Variants in SIAE observed in about 807,000 individuals in gnomAD.
SIAE encodes the protein sialic acid acetylesterase.
A neutral mutation model predicts 52.6 loss-of-function variants in SIAE; 39 were observed. The ratio of observed to expected loss-of-function variants is 0.74; its 90% CI spans 0.57 to 0.97. The LOEUF (loss-of-function observed/expected upper bound fraction) is 0.97. Among genes scored for constraint, SIAE ranks in the 50% least tolerant of loss-of-function variants. The pLI, the probability that SIAE is intolerant of heterozygous loss-of-function variation, is 0.00. For missense variants in SIAE, 592 were observed against 662.1 expected (o/e 0.89, Z 1.16); for synonymous variants, 233 against 241.4 (o/e 0.97, Z 0.32).
At chr11:124,669,296 T>A in intron 2 of SIAE, 64 bp downstream of exon 2, 1 of 1,587,642 alleles carries the variant, frequency 6.3e-7, no homozygotes. Flanking sequence ...TTAGCATTCA[T>A]TTTCAGATAA....
chr11:124,643,475 T>C (rs758558578), intron 7 of SIAE, among the ~76,000 whole-genome samples: 1 of 152,042 alleles, frequency 6.6e-6, no homozygotes, highest in Admixed American at 6.5e-5. Context: ...TAGGAGGCAA[T>C]AATACAAGGG....
upstream of SIAE, chr11:124,675,280 T>C: frequency 6.2e-7 from 1 of 1,613,644 alleles, no homozygotes; most frequent in Non-Finnish European, 8.5e-7. Flanking sequence ...GATTCCATTC[T>C]CCAACACCCA....
chr11:124,668,927 G>A (rs190246333), intron 2 of SIAE, among the ~76,000 whole-genome samples: 16 of 152,200 alleles, frequency 1.1e-4, no homozygotes, highest in Non-Finnish European at 1.8e-4. Context: ...GAAGGTTGTT[G>A]GGCAAGGACT....
chr11:124,662,800 T>C (rs1189469154), intron 2 of SIAE, among the ~76,000 whole-genome samples: 1 of 152,158 alleles, frequency 6.6e-6, no homozygotes, highest in African/African-American at 2.4e-5. Context: ...TCTGTGCTAG[T>C]CCTCAAGATG....
chr11:124,645,905 A>G lies in SIAE; in HGVS notation c.966+1460T>C, dbSNP rs1181564292. 6.6e-6 allele frequency among the ~76,000 whole-genome samples: 1 copy of G among 152,248 alleles called. No individual in the cohort carries two copies. Among genetic ancestry groups the G allele is most frequent in the Admixed American group, 6.5e-5 (1 of 15,290 alleles). On this transcript the variant is annotated intron_variant, in intron 7 of 9. Transcript: ENST00000263593. This position sits in a 1 kb window ranked among gnomAD's most constrained non-coding sequence, Gnocchi z 4.7. ...GTGAGAAGGTCTATACAAATATTCA[A>G]AAGAAGGTACAGTGAAAAGGACAAG...
At position 124,673,735 on chromosome 11, in the gene SIAE, G is replaced by A. The variant is rs775306516; in HGVS notation, c.-27C>T. ...CTTGCAAGGATCTGACCGCCGCCTA[G>A]GACTGGGAAAGTGGGTTCCCGGCAG... On this transcript the variant is annotated 5_prime_UTR_variant, in exon 1 of 10. Coordinates refer to ENST00000263593, the MANE Select transcript of SIAE (RefSeq NM_170601.5). The A allele has an allele frequency of 4.3e-6, 7 of 1,611,092 alleles. No homozygotes were observed. Among genetic ancestry groups the A allele is most frequent in the Non-Finnish European group, 5.9e-6 (7 of 1,178,862 alleles).
chr11:124,660,869 A>G, intron 2 of SIAE, 66 bp from the exon 3 acceptor site: 2 of 1,573,044 alleles, frequency 1.3e-6, no homozygotes, highest in Non-Finnish European at 1.7e-6. Flanking sequence ...GCCCAATTAT[A>G]CTCATTTGTG....
In SIAE at chr11:124,636,739, C is replaced by T. The variant is rs1310368261; in HGVS notation, c.*212G>A. 6 of 660,946 alleles carry T rather than the reference C, an allele frequency of 9.1e-6. No individual in the cohort carries two copies. 40.9% of individuals were successfully genotyped at this position (660,946 alleles called of 1,614,324 possible). A position where few individuals can be genotyped will look rare whatever the true frequency, so the allele number is the denominator to read the frequency against. On this transcript the variant is annotated 3_prime_UTR_variant, in exon 10 of 10. Coordinates refer to ENST00000263593, the MANE Select transcript of SIAE (RefSeq NM_170601.5). ...GTTCAGAATTAGTCCAATACAGACC[C>T]TTAGACCAACTAGGGAACAAAAAGC...
intron 1 of SIAE, among the ~76,000 whole-genome samples, chr11:124,671,309 A>C (rs147610180): frequency 6.6e-6 from 1 of 152,346 alleles, no homozygotes; most frequent in East Asian, 1.9e-4. Flanking sequence ...TCATTAGTTA[A>C]TTCAACAAAT....
Position 124,637,118 on chromosome 11 carries a change from C to A in SIAE, c.1405G>T (p.Asp469Tyr). The A allele has an allele frequency of 6.2e-7, 1 of 1,614,118 alleles. No individual in the cohort carries two copies. The highest frequency in any genetic ancestry group is 8.5e-7 in the Non-Finnish European group (1 of 1,180,006). Residue 469 changes from aspartate (D) to tyrosine (Y), a missense_variant, in exon 10 of 10, where the codon GAT becomes TAT. Asp to Tyr is a radical substitution (Grantham distance 160). Coordinates refer to ENST00000263593, the MANE Select transcript of SIAE (RefSeq NM_170601.5). ...GCAACCACAGTGCCATGACAAGAAT[C>A]GATCGCCAGGGTCAGGGACTGGGTG... ...VSTQSLTLAI[D>Y]SCHGTVVALR... is the part of the protein sequence containing the mutation.
chr11:124,671,742 T>C (rs1943360086), intron 1 of SIAE, among the ~76,000 whole-genome samples: 1 of 152,058 alleles, frequency 6.6e-6, no homozygotes. Context: ...ACAAGACACA[T>C]ACATTTACCA....
At position 124,638,811 on chromosome 11, in the gene SIAE, T is replaced by C. The variant is rs535476985; in HGVS notation, c.1125-74A>G. The C allele has an allele frequency of 3.4e-6, 4 of 1,164,512 alleles. No individual in the cohort carries two copies. In the South Asian group the frequency reaches 5.1e-5, roughly 15 times the overall value. The allele number at this position is 1,164,512 out of a possible 1,614,324, so 72.1% of individuals were successfully genotyped here. A position where few individuals can be genotyped will look rare whatever the true frequency, so the allele number is the denominator to read the frequency against. Reference sequence around the variant, plus strand: ...CACCACATTTTTTTAAAAGGGGGATTATACAAAGCACCCTTTATGAAAGTA... The same window carrying C: ...CACCACATTTTTTTAAAAGGGGGATCATACAAAGCACCCTTTATGAAAGTA... On this transcript the variant is annotated intron_variant, in intron 8 of 9. Coordinates refer to ENST00000263593, the MANE Select transcript of SIAE (RefSeq NM_170601.5).
At position 124,654,675 on chromosome 11, in the gene SIAE, T is replaced by C; in HGVS notation, c.524A>G (p.Gln175Arg). The C allele has an allele frequency of 6.2e-7, 1 of 1,614,174 alleles. No individual in the cohort carries two copies. Among genetic ancestry groups the C allele is most frequent in the Non-Finnish European group, 8.5e-7 (1 of 1,180,010 alleles). Residue 175 changes from glutamine (Q) to arginine (R), a missense_variant, in exon 4 of 10, where the codon CAG becomes CGG. By Grantham distance (43) the Gln-to-Arg change is conservative. Transcript: ENST00000263593. ...CATACCTGAGGTGGGCTTAGACCAC[T>C]GCAAGTCAACCGCAACAAGGTCCTC... The part of the protein sequence containing the change: ...ELEDLVAVDL[Q>R]WSKPTSENLG...
upstream of SIAE, chr11:124,674,320 T>C (rs1943428012): frequency 6.6e-6 from 1 of 152,136 alleles, no homozygotes; most frequent in East Asian, 1.9e-4. Context: ...GGATCATCGC[T>C]GGAGCCCAGG....
In SIAE at chr11:124,672,062, C is replaced by G. The variant is rs188560391; in HGVS notation, c.67+1580G>C. ...AAGTGCTGGGATTACAAGCATGAGC[C>G]ACCGCGCCTGGCCAATTTTTTTGTA... On this transcript the variant is annotated intron_variant, in intron 1 of 9. Coordinates refer to ENST00000263593, the MANE Select transcript of SIAE (RefSeq NM_170601.5). Among the ~76,000 whole-genome samples the G allele has an allele frequency of 6.5e-3, 991 of 152,046 alleles. 13 individuals carry two copies. Among genetic ancestry groups the G allele is most frequent in the African/African-American group, 0.022 (932 of 41,454 alleles).
intron 2 of SIAE, among the ~76,000 whole-genome samples, chr11:124,669,124 CTATT>C (rs1248703175): frequency 2.0e-5 from 3 of 152,218 alleles, no homozygotes; most frequent in Non-Finnish European, 4.4e-5. Context: ...AACTTGGTAT[CTATT>C]CCCATTATTC....
chr11:124,645,674 G>A lies in SIAE; in HGVS notation c.966+1691C>T, dbSNP rs1942921593. ...CATTCAACACATACTTTTGGTTTGA[G>A]TTGGCTAAAGTCATACTCAAATCAC... On this transcript the variant is annotated intron_variant, in intron 7 of 9. Coordinates refer to ENST00000263593, the MANE Select transcript of SIAE (RefSeq NM_170601.5). The surrounding 1 kb of genome is among the most constrained non-coding windows in gnomAD (Gnocchi z 4.7). Among the ~76,000 whole-genome samples, 1 of 152,138 alleles carries A rather than the reference G, an allele frequency of 6.6e-6. No individual in the cohort carries two copies. Among genetic ancestry groups the A allele is most frequent in the Non-Finnish European group, 1.5e-5 (1 of 68,024 alleles).
At position 124,649,754 on chromosome 11, in the gene SIAE, C is replaced by A. The variant is rs143070599; in HGVS notation, c.587G>T (p.Cys196Phe). 7.5e-4 allele frequency: 1,215 copies of A among 1,614,208 alleles called. 1 individual carries two copies. The highest frequency in any genetic ancestry group is 9.6e-4 in the Non-Finnish European group (1,128 of 1,180,032). The change falls in exon 5 of 10, where the codon TGC (cysteine) becomes TTC (phenylalanine). Residue 196 changes from cysteine (C) to phenylalanine (F), a missense_variant. Cys to Phe is a radical substitution (Grantham distance 205). Transcript: ENST00000263593. ...ATAAAGGTGACGTCCAAAGAGCCAG[C>A]ACACTGCTGACATGTACTTGAAATA... ...HGYFKYMSAV[C>F]WLFGRHLYDT...
At chr11:124,651,446 G>T (rs112143628) in intron 4 of SIAE, among the ~76,000 whole-genome samples, 104 of 152,074 alleles carry the variant, frequency 6.8e-4, no homozygotes, top group African/African-American at 2.4e-3. Flanking sequence ...TGCCTAGGAG[G>T]CTGAGGCAGA....
Sources: allele counts gnomAD v4.1 joint callset (sites outside exome capture counted in the v4.1 genomes callset), GRCh38; gene constraint gnomAD v4.1.1; non-coding constraint Gnocchi (gnomAD v3.1); transcripts MANE v1.5; gene names NCBI Gene and HGNC (gene_info 2026-07-23, HGNC 2026-07-21).